UHRF2: variants seen among roughly 807,000 people sequenced by gnomAD.
UHRF2 encodes the protein ubiquitin like with PHD and ring finger domains 2.
A neutral mutation model predicts 96.8 loss-of-function variants in UHRF2; 23 were observed. The ratio of observed to expected loss-of-function variants is 0.24; its 90% CI spans 0.17 to 0.34. The LOEUF (loss-of-function observed/expected upper bound fraction) is 0.34, where lower values mean the gene tolerates loss of function less well. UHRF2 is among the 10% of genes least tolerant of loss of function. UHRF2 has a pLI of 1.00. For missense variants in UHRF2, 685 were observed against 981.5 expected (o/e 0.70, Z 4.04); for synonymous variants, 385 against 332.6 (o/e 1.16, Z -1.72).
At chr9:6,426,858 A>G (rs1468837014) in intron 2 of UHRF2, among the ~76,000 whole-genome samples, 2 of 152,004 alleles carry the variant, frequency 1.3e-5, no homozygotes, top group East Asian at 3.9e-4. Flanking sequence ...AAGCGATTCT[A>G]CTGCTTCAGT....
At chr9:6,415,985 C>T (rs1459800019) in intron 1 of UHRF2, among the ~76,000 whole-genome samples, 2 of 152,202 alleles carry the variant, frequency 1.3e-5, no homozygotes, top group African/African-American at 4.8e-5. Context: ...GAAGCAGAAT[C>T]TGTATTTTAA....
intron 3 of UHRF2, among the ~76,000 whole-genome samples, chr9:6,443,746 G>A (rs1024368663): frequency 6.6e-6 from 1 of 152,140 alleles, no homozygotes; most frequent in African/African-American, 2.4e-5. Context: ...ACAGTGTCAA[G>A]GCTTTACCAT....
intron 2 of UHRF2, among the ~76,000 whole-genome samples, chr9:6,421,924 A>G (rs1181943753): frequency 6.6e-6 from 1 of 152,162 alleles, no homozygotes; most frequent in Non-Finnish European, 1.5e-5. Context: ...GATTCTCTGC[A>G]TATAGCTGTG....
At chr9:6,447,750 A>C (rs1442937687) in intron 3 of UHRF2, among the ~76,000 whole-genome samples, 1 of 152,186 alleles carries the variant, frequency 6.6e-6, no homozygotes, top group Non-Finnish European at 1.5e-5. Context: ...GAAAGCAACA[A>C]AATTTTGGAA....
chr9:6,467,489 A>G (rs1320404627), intron 4 of UHRF2, among the ~76,000 whole-genome samples: 1 of 151,648 alleles, frequency 6.6e-6, no homozygotes, highest in Non-Finnish European at 1.5e-5. Context: ...TACCACTGGA[A>G]TGTTAATGTT....
intron 10 of UHRF2, chr9:6,496,613 T>C (rs1304710394): frequency 6.6e-6 from 1 of 152,256 alleles, no homozygotes; most frequent in African/African-American, 2.4e-5. Flanking sequence ...ATTTGGATGC[T>C]TCAGGCTTAT....
intron 3 of UHRF2, among the ~76,000 whole-genome samples, chr9:6,455,425 G>T (rs1380575032): frequency 6.6e-6 from 1 of 152,192 alleles, no homozygotes; most frequent in Non-Finnish European, 1.5e-5. Context: ...TGCTGAGAAT[G>T]ATGGTTTCCA....
At chr9:6,464,914 G>C (rs1017432953) in intron 4 of UHRF2, among the ~76,000 whole-genome samples, 2 of 151,954 alleles carry the variant, frequency 1.3e-5, no homozygotes, top group Non-Finnish European at 1.5e-5. Context: ...TGGTATATAG[G>C]AATACAAGTA....
rs1387627440 is a variant in UHRF2 at position 6,451,568 on chromosome 9, C to G, written c.645-9005C>G. Among the ~76,000 whole-genome samples the G allele has an allele frequency of 3.3e-5, 5 of 151,998 alleles. No individual in the cohort carries two copies. In the East Asian group the frequency reaches 9.7e-4, roughly 29 times the overall value. Reference sequence around the variant, plus strand: ...CTCGGCTCACTGCAGGCTCCGCCCCCCGGGGTTCACACCATTCTCCTGCCT... The same window carrying G: ...CTCGGCTCACTGCAGGCTCCGCCCCGCGGGGTTCACACCATTCTCCTGCCT... On this transcript the variant is annotated intron_variant, in intron 3 of 15. Transcript: ENST00000276893.
intron 8 of UHRF2, among the ~76,000 whole-genome samples, chr9:6,483,362 G>C (rs1008817310): frequency 6.6e-6 from 1 of 151,118 alleles, no homozygotes; most frequent in Admixed American, 6.6e-5. Context: ...TTATACAATG[G>C]TGCAGTATTT....
intron 4 of UHRF2, among the ~76,000 whole-genome samples, chr9:6,466,511 G>C (rs1267882586): frequency 7.3e-6 from 1 of 136,186 alleles, no homozygotes; most frequent in Admixed American, 7.8e-5. Flanking sequence ...CTGTACTCCA[G>C]CCTGGGTGAC....
rs10975606 is a variant in UHRF2, at chr9:6,480,512, C to T, written c.1161-1131C>T. Among the ~76,000 whole-genome samples the T allele has an allele frequency of 5.0e-4, 76 of 152,278 alleles. 1 individual carries two copies. In the East Asian group the frequency reaches 0.013, roughly 27 times the overall value. On this transcript the variant is annotated intron_variant, in intron 6 of 15. Transcript: ENST00000276893. ...TTACTCTGGAATATATCTCTACATT[C>T]GTATCAAGGTCTTTCGCTTCACCTG... is the stretch of plus-strand genomic sequence containing the variant.
intron 15 of UHRF2, among the ~76,000 whole-genome samples, chr9:6,505,328 C>G (rs1424434629): frequency 6.6e-6 from 1 of 152,028 alleles, no homozygotes; most frequent in Non-Finnish European, 1.5e-5. Context: ...CGGAATCTCA[C>G]TCTGTCGTTC....
At chr9:6,481,957 A>G (rs1823954450) in intron 7 of UHRF2, 35 bp from the exon 8 acceptor site, 1 of 1,602,434 alleles carries the variant, frequency 6.2e-7, no homozygotes, top group South Asian at 1.1e-5. Flanking sequence ...AATTTAACAT[A>G]ACTGATTTCT....
chr9:6,457,605 C>T (rs556019762), intron 3 of UHRF2, among the ~76,000 whole-genome samples: 1 of 152,278 alleles, frequency 6.6e-6, no homozygotes, highest in East Asian at 1.9e-4. Context: ...GGGAATTCTT[C>T]CAGTTTTTGC....
At chr9:6,483,135 C>T (rs913647585) in intron 8 of UHRF2, among the ~76,000 whole-genome samples, 4 of 151,516 alleles carry the variant, frequency 2.6e-5, no homozygotes, top group Non-Finnish European at 5.9e-5. Context: ...AAACCAGCCT[C>T]GCCAACATGG....
chr9:6,489,767 T>A (rs1014037869), intron 9 of UHRF2, among the ~76,000 whole-genome samples: 1 of 151,080 alleles, frequency 6.6e-6, no homozygotes, highest in Non-Finnish European at 1.5e-5. Context: ...AGATATGTGG[T>A]CTTCAGGTAT....
chr9:6,428,783 A>G (rs538900085), intron 2 of UHRF2, among the ~76,000 whole-genome samples: 2 of 152,180 alleles, frequency 1.3e-5, no homozygotes, highest in East Asian at 3.9e-4. Context: ...TCCTGGGTTC[A>G]AACAGTCCTC....
At chr9:6,424,311 A>G (rs1057464726) in intron 2 of UHRF2, among the ~76,000 whole-genome samples, 1 of 152,224 alleles carries the variant, frequency 6.6e-6, no homozygotes, top group Non-Finnish European at 1.5e-5. Context: ...TTGCAATAAC[A>G]AAAGGTAGAA....
Sources: gnomAD v4.1 joint callset for allele counts (sites outside exome capture counted in the v4.1 genomes callset) on GRCh38, gnomAD v4.1.1 for gene constraint, MANE v1.5 for transcripts, NCBI Gene and HGNC (gene_info 2026-07-23, HGNC 2026-07-21) for gene names.